YWHAG: variants seen among roughly 807,000 people sequenced by gnomAD.
YWHAG encodes the protein tyrosine 3-monooxygenase/tryptophan 5-monooxygenase activation protein gamma.
Under a neutral mutation model 23.3 loss-of-function variants are expected in YWHAG, and 1 was observed. The observed-to-expected ratio is 0.04, with a 90% CI of 0.02 to 0.20. The LOEUF is 0.20. Ranked by LOEUF, YWHAG falls within the 10% of genes least tolerant of loss-of-function variation. YWHAG has a pLI of 1.00. For missense variants in YWHAG, 151 were observed against 338.6 expected (o/e 0.45, Z 4.35); for synonymous variants, 160 against 144.0 (o/e 1.11, Z -0.80).
At chr7:76,358,412 C>A (rs1413145814) in intron 1 of YWHAG, among the ~76,000 whole-genome samples, 1 of 152,192 alleles carries the variant, frequency 6.6e-6, no homozygotes, top group African/African-American at 2.4e-5. Flanking sequence ...CCGCTCGGGT[C>A]CCCTGCACCC....
chr7:76,345,377 G>A (rs938257614), intron 1 of YWHAG, among the ~76,000 whole-genome samples: 5 of 151,716 alleles, frequency 3.3e-5, no homozygotes, highest in South Asian at 4.2e-4. Context: ...TAGTAGAGAC[G>A]GGGTTTCACA....
At chr7:76,334,691 C>A (rs767194371) in intron 1 of YWHAG, among the ~76,000 whole-genome samples, 1 of 150,670 alleles carries the variant, frequency 6.6e-6, no homozygotes, top group Non-Finnish European at 1.5e-5. Flanking sequence ...TCTGGGATTA[C>A]AAACATGAGC....
At chr7:76,337,196 G>A (rs766435566) in intron 1 of YWHAG, among the ~76,000 whole-genome samples, 1 of 152,118 alleles carries the variant, frequency 6.6e-6, no homozygotes, top group Non-Finnish European at 1.5e-5. Context: ...CTGGTCTCTG[G>A]CTGGCATCTG....
chr7:76,340,272 G>A (rs892923553), intron 1 of YWHAG, among the ~76,000 whole-genome samples: 5 of 152,168 alleles, frequency 3.3e-5, no homozygotes, highest in African/African-American at 1.2e-4. Context: ...TATAACCTAT[G>A]GTTTCCAAAT....
intron 1 of YWHAG, among the ~76,000 whole-genome samples, chr7:76,354,002 G>A (rs1018363381): frequency 3.3e-5 from 5 of 150,460 alleles, no homozygotes; most frequent in African/African-American, 1.2e-4. Flanking sequence ...TAGCCTGTGA[G>A]GTGGAGGCTG....
At chr7:76,351,353 C>A (rs973027199) in intron 1 of YWHAG, among the ~76,000 whole-genome samples, 3 of 151,002 alleles carry the variant, frequency 2.0e-5, no homozygotes, top group African/African-American at 7.4e-5. Flanking sequence ...TTCGTATTCT[C>A]CTCTCCTGTT....
chr7:76,350,171 A>G (rs1370162637), intron 1 of YWHAG, among the ~76,000 whole-genome samples: 1 of 152,210 alleles, frequency 6.6e-6, no homozygotes, highest in African/African-American at 2.4e-5. Context: ...AAAAAAGGCA[A>G]TCACTCCAAA....
chr7:76,329,511 A>C lies in YWHAG; in HGVS notation c.*66T>G. On this transcript the variant is annotated 3_prime_UTR_variant, in exon 2 of 2. Transcript: ENST00000307630. This position sits in a 1 kb window ranked among gnomAD's most constrained non-coding sequence, Gnocchi z 6.1. ...CTTTCCCTCCCCCACCCGACCCCCAACTCATGGGAAAAAAATAAAGACTGC... is the reference window on the plus strand; with the variant it reads ...CTTTCCCTCCCCCACCCGACCCCCACCTCATGGGAAAAAAATAAAGACTGC... The C allele has an allele frequency of 2.2e-6, 3 of 1,349,764 alleles. No homozygotes were observed. The highest frequency in any genetic ancestry group is 3.0e-6 in the Non-Finnish European group (3 of 1,011,376). 83.6% of individuals were successfully genotyped at this position (1,349,764 alleles called of 1,614,324 possible). A position where few individuals can be genotyped will look rare whatever the true frequency, so the allele number is the denominator to read the frequency against.
intron 1 of YWHAG, among the ~76,000 whole-genome samples, chr7:76,332,672 C>T (rs1466382805): frequency 1.3e-5 from 2 of 151,814 alleles, no homozygotes; most frequent in Non-Finnish European, 2.9e-5. Flanking sequence ...AGGTGTGCAC[C>T]ACCATGCATG....
chr7:76,336,451 CTTTTT>C (rs35137930), intron 1 of YWHAG, among the ~76,000 whole-genome samples: 13 of 116,716 alleles, frequency 1.1e-4, no homozygotes, highest in African/African-American at 4.1e-4. Flanking sequence ...GAAAGTCTGG[CTTTTT>C]TTTTTTTTTT....
At chr7:76,340,242 T>C (rs1256543508) in intron 1 of YWHAG, among the ~76,000 whole-genome samples, 1 of 152,244 alleles carries the variant, frequency 6.6e-6, no homozygotes, top group African/African-American at 2.4e-5. Flanking sequence ...CTAGTATTTT[T>C]CCAGTTTATT....
At position 76,358,837 on chromosome 7, in the gene YWHAG, G is replaced by A. The variant is rs1443944287; in HGVS notation, c.-29C>T. 6.3e-7 allele frequency: 1 copy of A among 1,577,474 alleles called. No homozygotes were observed. The highest frequency in any genetic ancestry group is 8.6e-7 in the Non-Finnish European group (1 of 1,162,578). On this transcript the variant is annotated 5_prime_UTR_variant, in exon 1 of 2. Transcript: ENST00000307630. ...CGCGGGGCTGGGTCTGGCCGGAGAA[G>A]GAGGAGGACACTGGGGCGGCCTGAA... is the stretch of plus-strand genomic sequence containing the variant.
At chr7:76,330,376 C>T (rs1022312062) in intron 1 of YWHAG, 143 bp from the exon 2 acceptor site, 6 of 917,270 alleles carry the variant, frequency 6.5e-6, no homozygotes, top group Non-Finnish European at 9.6e-6. Flanking sequence ...GGGAAGGGGG[C>T]TGGAGGTGGA....
At chr7:76,342,420 T>C (rs1803711352) in intron 1 of YWHAG, among the ~76,000 whole-genome samples, 1 of 152,240 alleles carries the variant, frequency 6.6e-6, no homozygotes, top group Non-Finnish European at 1.5e-5. Context: ...TCTGACCCTA[T>C]GTTGCACACT....
Position 76,356,251 on chromosome 7 carries a change from T to A in YWHAG, c.87+2471A>T, listed in dbSNP as rs1447464563. Among the ~76,000 whole-genome samples the A allele has an allele frequency of 2.0e-5, 3 of 152,366 alleles. No homozygotes were observed. In the East Asian group the frequency reaches 5.8e-4, roughly 29 times the overall value. On this transcript the variant is annotated intron_variant, in intron 1 of 1. Coordinates refer to ENST00000307630, the MANE Select transcript of YWHAG (RefSeq NM_012479.4). ...TAGGTAGTTGCCATTTTGGAACACC[T>A]ACTACATTTCTTATTGAATCCGCAC... is the stretch of plus-strand genomic sequence containing the variant.
intron 1 of YWHAG, among the ~76,000 whole-genome samples, chr7:76,348,639 C>T (rs986033209): frequency 1.1e-4 from 16 of 152,028 alleles, no homozygotes; most frequent in Admixed American, 2.0e-4. Flanking sequence ...CTCCTAACCT[C>T]GTGATGCACC....
At chr7:76,355,512 G>T (rs1803940658) in intron 1 of YWHAG, among the ~76,000 whole-genome samples, 1 of 152,130 alleles carries the variant, frequency 6.6e-6, no homozygotes, top group Admixed American at 6.5e-5. Context: ...CCACGCCCAA[G>T]AAGAGAACAA....
At chr7:76,331,404 G>A (rs553639442) in intron 1 of YWHAG, among the ~76,000 whole-genome samples, 1 of 152,252 alleles carries the variant, frequency 6.6e-6, no homozygotes, top group South Asian at 2.1e-4. Flanking sequence ...AGAGACGACA[G>A]GTAGGGACCT....
chr7:76,356,978 C>T (rs1386924249), intron 1 of YWHAG, among the ~76,000 whole-genome samples: 1 of 152,198 alleles, frequency 6.6e-6, no homozygotes, highest in Non-Finnish European at 1.5e-5. Flanking sequence ...TTGTGTGTGA[C>T]ATCACTTGGT....
Sources: allele counts gnomAD v4.1 joint callset (sites outside exome capture counted in the v4.1 genomes callset), GRCh38; gene constraint gnomAD v4.1.1; non-coding constraint Gnocchi (gnomAD v3.1); transcripts MANE v1.5; gene names NCBI Gene and HGNC (gene_info 2026-07-23, HGNC 2026-07-21).